ETFDH: variants seen among roughly 807,000 people sequenced by gnomAD.
The protein encoded by ETFDH is electron transfer flavoprotein dehydrogenase.
ETFDH carries 61 observed loss-of-function variants against 73.2 expected under a neutral mutation model. The ratio of observed to expected loss-of-function variants is 0.83; its 90% CI spans 0.68 to 1.03. ETFDH has a LOEUF of 1.03. ETFDH is among the 50% of genes least tolerant of loss of function. The probability of loss-of-function intolerance (pLI) is 0.00; values close to 1 mark genes in which losing one functional copy is unlikely to be tolerated. For synonymous variants in ETFDH, 243 were observed against 253.3 expected (o/e 0.96, Z 0.39); for missense variants, 685 against 745.0 (o/e 0.92, Z 0.94).
chr4:158,708,405 C>T lies in ETFDH; in HGVS notation c.1732C>T (p.Arg578Trp), dbSNP rs763912783. The T allele has an allele frequency of 2.7e-5, 44 of 1,611,630 alleles. No homozygotes were observed. The highest frequency in any genetic ancestry group is 5.0e-5 in the Admixed American group (3 of 59,980). Residue 578 changes from arginine (R) to tryptophan (W), a missense_variant, in exon 13 of 13, where the codon CGG (arginine) becomes TGG (tryptophan). Coordinates refer to ENST00000511912, the MANE Select transcript of ETFDH (RefSeq NM_004453.4). ...FVPVEQGDGF[R>W]LQINAQNCVH... ...ACCTGTGGAACAAGGTGATGGATTT[C>T]GGTTACAGATAAATGCTCAGAACTG...
intron 5 of ETFDH, among the ~76,000 whole-genome samples, chr4:158,685,577 T>C (rs1463380617): frequency 6.6e-6 from 1 of 152,236 alleles, no homozygotes; most frequent in Admixed American, 6.5e-5. Flanking sequence ...CCCTGCTCTC[T>C]CTTCCTCCCT....
At chr4:158,679,135 T>A (rs928296228) in intron 1 of ETFDH, among the ~76,000 whole-genome samples, 2 of 152,204 alleles carry the variant, frequency 1.3e-5, no homozygotes, top group African/African-American at 4.8e-5. Context: ...ACCATATACC[T>A]ATGTGTATTC....
At position 158,689,633 on chromosome 4, in the gene ETFDH, TATA is replaced by T. The variant is rs1561242427; in HGVS notation, c.607-714_607-712del. The stretch of plus-strand genomic sequence containing the variant: ...ATATATATATATATATATATATATA[TATA>T]TTGTGGGGGGGTGGGTTCATATCCA... On this transcript the variant is annotated intron_variant, in intron 5 of 12. Coordinates refer to ENST00000511912, the MANE Select transcript of ETFDH (RefSeq NM_004453.4). 7.8e-3 allele frequency among the ~76,000 whole-genome samples: 866 copies of T among 110,986 alleles called. 84 individuals are homozygous for T. The highest frequency in any genetic ancestry group is 0.025 in the African/African-American group (707 of 27,760). 72.8% of individuals were successfully genotyped at this position (110,986 alleles called of 152,430 possible). A position where few individuals can be genotyped will look rare whatever the true frequency, so the allele number is the denominator to read the frequency against.
intron 6 of ETFDH, among the ~76,000 whole-genome samples, chr4:158,694,167 A>G (rs183366464): frequency 6.6e-6 from 1 of 152,344 alleles, no homozygotes; most frequent in Admixed American, 6.5e-5. Flanking sequence ...AAAGGAACGT[A>G]TATTTTTTTC....
intron 2 of ETFDH, among the ~76,000 whole-genome samples, chr4:158,681,314 CTT>C (rs939861806): frequency 1.3e-5 from 2 of 151,906 alleles, no homozygotes; most frequent in African/African-American, 2.4e-5. Context: ...AAGAAAGAAA[CTT>C]ATAGAAAAAT....
At chr4:158,706,909 GT>G in intron 12 of ETFDH, 59 bp downstream of exon 12, 1 of 1,177,210 alleles carries the variant, frequency 8.5e-7, no homozygotes. Flanking sequence ...ATGTGATTTT[GT>G]TCTTTTAAAA....
At chr4:158,699,237 A>G (rs1309183184) in intron 9 of ETFDH, 107 bp downstream of exon 9, 14 of 954,884 alleles carry the variant, frequency 1.5e-5, no homozygotes, top group Non-Finnish European at 1.8e-5. Context: ...TGGAATAGGA[A>G]AAGTATGTAG....
chr4:158,694,594 CAA>C (rs530332578), intron 6 of ETFDH, among the ~76,000 whole-genome samples: 1,400 of 96,656 alleles, frequency 0.014, 19 homozygotes, highest in African/African-American at 0.046. Flanking sequence ...AACTCTGTCT[CAA>C]AAAAAAAAAA....
intron 4 of ETFDH, 48 bp from the exon 5 acceptor site, chr4:158,685,053 G>A (rs377709943): frequency 3.7e-6 from 4 of 1,073,266 alleles, no homozygotes; most frequent in Non-Finnish European, 4.3e-6. Context: ...TTTTTGTAAT[G>A]TCTTATCAAT....
At chr4:158,688,789 C>T (rs1774080943) in intron 5 of ETFDH, among the ~76,000 whole-genome samples, 1 of 152,222 alleles carries the variant, frequency 6.6e-6, no homozygotes, top group African/African-American at 2.4e-5. Context: ...CAGGTAGATA[C>T]AATCCATTCA....
At chr4:158,697,965 T>C (rs1774356557) in intron 8 of ETFDH, among the ~76,000 whole-genome samples, 2 of 152,314 alleles carry the variant, frequency 1.3e-5, no homozygotes, top group South Asian at 4.1e-4. Context: ...AACTGTGAAA[T>C]AGGTATATCT....
Position 158,708,406 on chromosome 4 carries a change from G to A in ETFDH, c.1733G>A (p.Arg578Gln), listed in dbSNP as rs200290334. The A allele has an allele frequency of 5.7e-5, 92 of 1,611,942 alleles. No individual in the cohort carries two copies. The Admixed American group carries it at 7.7e-4, about 13-fold the overall frequency. The change falls in exon 13 of 13, where the codon CGG (arginine) becomes CAG (glutamine). Residue 578 changes from arginine (R) to glutamine (Q), a missense_variant. Around this residue, in one of 3 missense-constraint regions of ETFDH, gnomAD observed 201 missense variants for 225.2 expected, o/e 0.89. Transcript: ENST00000511912. ...FVPVEQGDGF[R>Q]LQINAQNCVH... is the part of the protein sequence containing the mutation. ...CCTGTGGAACAAGGTGATGGATTTC[G>A]GTTACAGATAAATGCTCAGAACTGT...
At chr4:158,700,556 CCACACACACACACACGCA>C (rs1774431940) in intron 9 of ETFDH, 1 of 117,988 alleles carries the variant, frequency 8.5e-6, no homozygotes, top group Non-Finnish European at 1.8e-5. Flanking sequence ...CCTCCCCCCA[CCACACACACACACACGCA>C]CACACACACA....
At chr4:158,695,815 T>A (rs986043006) in intron 7 of ETFDH, among the ~76,000 whole-genome samples, 172 bp downstream of exon 7, 1 of 152,258 alleles carries the variant, frequency 6.6e-6, no homozygotes, top group Non-Finnish European at 1.5e-5. Context: ...CTAGAAGATA[T>A]TACTGATCAA....
At chr4:158,699,910 CTGT>C (rs1363719300) in intron 9 of ETFDH, among the ~76,000 whole-genome samples, 1 of 152,100 alleles carries the variant, frequency 6.6e-6, no homozygotes, top group Non-Finnish European at 1.5e-5. Context: ...GCTGTTAATA[CTGT>C]TGTAGAAATG....
intron 3 of ETFDH, among the ~76,000 whole-genome samples, chr4:158,683,494 T>G (rs1167320929): frequency 6.6e-6 from 1 of 152,222 alleles, no homozygotes; most frequent in Non-Finnish European, 1.5e-5. Flanking sequence ...CTTTTGATAT[T>G]ATATCAGAAA....
At chr4:158,697,742 A>C in intron 8 of ETFDH, 43 bp downstream of exon 8, 1 of 1,541,808 alleles carries the variant, frequency 6.5e-7, no homozygotes, top group Non-Finnish European at 9.0e-7. Context: ...TGCTAGAGTT[A>C]TATTACCATC....
chr4:158,678,346 C>T (rs1029566680), intron 1 of ETFDH, among the ~76,000 whole-genome samples: 1 of 151,936 alleles, frequency 6.6e-6, no homozygotes, highest in African/African-American at 2.4e-5. Context: ...GTAGAATGTC[C>T]CTCAATCTGA....
At chr4:158,688,958 A>T (rs538369974) in intron 5 of ETFDH, among the ~76,000 whole-genome samples, 1 of 152,246 alleles carries the variant, frequency 6.6e-6, no homozygotes, top group South Asian at 2.1e-4. Flanking sequence ...TTAGAGCCAA[A>T]CACCTACCCA....
Sources: gnomAD v4.1 joint callset for allele counts (sites outside exome capture counted in the v4.1 genomes callset) on GRCh38, gnomAD v4.1.1 for gene constraint, gnomAD v4.1.1 regional missense constraint, MANE v1.5 for transcripts, NCBI Gene and HGNC (gene_info 2026-07-23, HGNC 2026-07-21) for gene names.